Variants in ZMYM4 observed in about 807,000 individuals in gnomAD.
ZMYM4 encodes zinc finger MYM-type containing 4, also known as zinc finger MYM-type protein 4.
Under a neutral mutation model 183.2 loss-of-function variants are expected in ZMYM4, and 31 were observed. That is an observed-to-expected ratio of 0.17 (90% CI 0.13 to 0.23). ZMYM4 has a LOEUF of 0.23. Among genes scored for constraint, ZMYM4 ranks in the 10% least tolerant of loss-of-function variants. The pLI is 1.00. For synonymous variants in ZMYM4, 592 were observed against 631.2 expected (o/e 0.94, Z 0.93); for missense variants, 1,273 against 1,840.3 (o/e 0.69, Z 5.64).
intron 1 of ZMYM4, chr1:35,292,634 A>AT (rs2148720456): frequency 6.6e-6 from 1 of 152,368 alleles, no homozygotes; most frequent in East Asian, 1.9e-4. Context: ...AATAGCTGGG[A>AT]TTACAGGCAC....
intron 2 of ZMYM4, among the ~76,000 whole-genome samples, chr1:35,352,386 GCACACACACACA>G (rs374281470): frequency 2.6e-4 from 34 of 128,472 alleles, no homozygotes; most frequent in Admixed American, 7.8e-4. Flanking sequence ...AAAAATTAGC[GCACACACACACA>G]CACACACACA....
intron 12 of ZMYM4, 67 bp downstream of exon 12, chr1:35,387,345 A>G (rs1644599670): frequency 6.3e-7 from 1 of 1,581,636 alleles, no homozygotes; most frequent in Admixed American, 1.8e-5. Context: ...ATTATTTTTA[A>G]CTTTGCATCT....
intron 27 of ZMYM4, 119 bp from the exon 28 acceptor site, chr1:35,415,347 G>A: frequency 1.5e-6 from 2 of 1,359,902 alleles, no homozygotes; most frequent in Non-Finnish European, 2.0e-6. Context: ...ATAAGGAAGA[G>A]GGGAAAGAGG....
chr1:35,412,252 A>G (rs1157969365), intron 26 of ZMYM4, among the ~76,000 whole-genome samples: 2 of 152,068 alleles, frequency 1.3e-5, no homozygotes, highest in South Asian at 2.1e-4. Context: ...TATTGCTTAT[A>G]TGCTGCAACT....
At chr1:35,360,811 A>G (rs1472928301) in intron 3 of ZMYM4, among the ~76,000 whole-genome samples, 1 of 152,080 alleles carries the variant, frequency 6.6e-6, no homozygotes, top group Non-Finnish European at 1.5e-5. Flanking sequence ...AAGGTTTTAT[A>G]GAGGAGAGGT....
At chr1:35,335,769 C>T (rs960694792) in intron 2 of ZMYM4, among the ~76,000 whole-genome samples, 2 of 151,934 alleles carry the variant, frequency 1.3e-5, no homozygotes, top group East Asian at 3.9e-4. Context: ...CTAGCTAACA[C>T]GGTGAAACTT....
rs562069822 is a variant in ZMYM4 at position 35,268,785 on chromosome 1, T to C, written c.-262T>C. Among the ~76,000 whole-genome samples, 2 of 152,244 alleles carry C rather than the reference T, an allele frequency of 1.3e-5. No individual in the cohort carries two copies. Among genetic ancestry groups the C allele is most frequent in the Admixed American group, 6.5e-5 (1 of 15,294 alleles). ...AAATAATCCTACTCACGGGGCCCCTTGGAGGCCATTAACCCCCCGAGTCCC... is the reference window on the plus strand; with the variant it reads ...AAATAATCCTACTCACGGGGCCCCTCGGAGGCCATTAACCCCCCGAGTCCC... On this transcript the variant is annotated 5_prime_UTR_variant, in exon 1 of 30. Transcript: ENST00000314607.
At chr1:35,310,768 A>G (rs1257221470) in intron 1 of ZMYM4, among the ~76,000 whole-genome samples, 1 of 151,668 alleles carries the variant, frequency 6.6e-6, no homozygotes, top group South Asian at 2.1e-4. Flanking sequence ...AGTAGAGACA[A>G]GGTTTTACCA....
Position 35,385,452 on chromosome 1 carries a change from A to G in ZMYM4, c.1580A>G (p.Lys527Arg), listed in dbSNP as rs201507849. 19 of 1,605,214 alleles carry G rather than the reference A, an allele frequency of 1.2e-5. No individual in the cohort carries two copies. Among genetic ancestry groups the G allele is most frequent in the East Asian group, 4.5e-5 (2 of 44,712 alleles). Residue 527 changes from lysine (K) to arginine (R), a missense_variant, in exon 10 of 30, where the codon AAA becomes AGA. Coordinates refer to ENST00000314607, the MANE Select transcript of ZMYM4 (RefSeq NM_005095.3). ...CITAYKQKSA[K>R]ITPCALCKSL... ...TTATTCTCTTAATAGAAATCAGCCA[A>G]AATTACACCGTGTGCGCTTTGCAAA...
At chr1:35,296,843 C>CTTTCTTTTTTTTTTTTTTTTTTT (rs1553163901) in intron 1 of ZMYM4, among the ~76,000 whole-genome samples, 1 of 95,628 alleles carries the variant, frequency 1.0e-5, no homozygotes, top group Non-Finnish European at 1.8e-5. Context: ...TTCTTTCTTT[C>CTTTCTTTTTTTTTTTTTTTTTTT]TTTTTTTTTT....
chr1:35,402,089 A>C (rs964379412), intron 23 of ZMYM4, among the ~76,000 whole-genome samples: 1 of 150,044 alleles, frequency 6.7e-6, no homozygotes, highest in Non-Finnish European at 1.5e-5. Flanking sequence ...GTCTATATAC[A>C]TTTTGGAATC....
intron 7 of ZMYM4, among the ~76,000 whole-genome samples, chr1:35,376,382 T>C (rs886792295): frequency 6.6e-6 from 1 of 152,238 alleles, no homozygotes; most frequent in African/African-American, 2.4e-5. Flanking sequence ...TCTTATCTCC[T>C]TAACTTTCTG....
intron 5 of ZMYM4, among the ~76,000 whole-genome samples, chr1:35,363,663 A>G (rs981526596): frequency 3.3e-5 from 5 of 152,240 alleles, no homozygotes; most frequent in African/African-American, 1.2e-4. Flanking sequence ...ACTTGCTACA[A>G]AGAAGAAAGT....
At chr1:35,335,239 AT>A (rs200810022) in intron 2 of ZMYM4, among the ~76,000 whole-genome samples, 2,572 of 137,204 alleles carry the variant, frequency 0.019, 126 homozygotes, top group Admixed American at 0.13. Flanking sequence ...TCCCTATTGC[AT>A]TTTTTTTTTT....
At chr1:35,385,380 CGAA>C (rs1242139435) in intron 9 of ZMYM4, 59 bp from the exon 10 acceptor site, 1 of 1,512,416 alleles carries the variant, frequency 6.6e-7, no homozygotes, top group African/African-American at 1.4e-5. Context: ...ATAAACATTT[CGAA>C]GAATTATGCT....
intron 1 of ZMYM4, among the ~76,000 whole-genome samples, chr1:35,288,458 G>T (rs1434669252): frequency 6.6e-6 from 1 of 152,182 alleles, no homozygotes; most frequent in Admixed American, 6.6e-5. Context: ...TTCTTTGTGG[G>T]AGAGTTTCTT....
At chr1:35,337,146 G>A (rs1643007289) in intron 2 of ZMYM4, among the ~76,000 whole-genome samples, 1 of 152,054 alleles carries the variant, frequency 6.6e-6, no homozygotes, top group African/African-American at 2.4e-5. Flanking sequence ...ATCACTTGAG[G>A]TCAGGAGTTC....
chr1:35,390,644 C>T (rs1644684737), intron 15 of ZMYM4, among the ~76,000 whole-genome samples: 1 of 152,124 alleles, frequency 6.6e-6, no homozygotes, highest in African/African-American at 2.4e-5. Flanking sequence ...GATGGCTTAG[C>T]TTGGGCTCAG....
chr1:35,381,576 G>A lies in ZMYM4; in HGVS notation c.1387G>A (p.Val463Ile). 11 of 1,614,166 alleles carry A rather than the reference G, an allele frequency of 6.8e-6. No individual in the cohort carries two copies. The highest frequency in any genetic ancestry group is 9.3e-6 in the Non-Finnish European group (11 of 1,180,036). ...IRHEVNYQNV[V>I]HKLCSDACFS... ...ACATGAAGTTAATTACCAGAATGTG[G>A]TCCATAAACTTTGCAGTGATGCCTG... Residue 463 changes from valine (V) to isoleucine (I), a missense_variant, in exon 9 of 30, where the codon GTC becomes ATC. By Grantham distance (29) the Val-to-Ile change is conservative (BLOSUM62 3). This residue lies in a region of ZMYM4 where 319 missense variants were observed against 518.1 expected (regional missense o/e 0.62). Transcript: ENST00000314607.
Sources: allele counts gnomAD v4.1 joint callset (sites outside exome capture counted in the v4.1 genomes callset), GRCh38; gene constraint gnomAD v4.1.1; regional missense constraint gnomAD v4.1.1; transcripts MANE v1.5; gene names NCBI Gene and HGNC (gene_info 2026-07-23, HGNC 2026-07-21).